The following DGKB variants were observed in gnomAD, a reference collection of about 807,000 sequenced individuals.
The protein encoded by DGKB is 90 kDa diacylglycerol kinase.
In DGKB, 67 loss-of-function variants were observed where a neutral mutation model predicts 114.3. The observed-to-expected ratio is 0.59, with a 90% CI of 0.48 to 0.72. The LOEUF (loss-of-function observed/expected upper bound fraction) is 0.72, where lower values mean the gene tolerates loss of function less well. Ranked by LOEUF, DGKB falls within the 30% of genes least tolerant of loss-of-function variation. The pLI, the probability that DGKB is intolerant of heterozygous loss-of-function variation, is 0.00. For missense variants in DGKB, 907 were observed against 975.2 expected (o/e 0.93, Z 0.93); for synonymous variants, 398 against 323.1 (o/e 1.23, Z -2.49).
At chr7:14,598,959 G>C (rs958550605) in intron 17 of DGKB, among the ~76,000 whole-genome samples, 3 of 152,036 alleles carry the variant, frequency 2.0e-5, no homozygotes, top group Admixed American at 6.6e-5. Context: ...CAGCATAATG[G>C]GCTGGCATAA....
chr7:14,790,508 T>C (rs1236047021), intron 2 of DGKB, among the ~76,000 whole-genome samples: 1 of 148,132 alleles, frequency 6.8e-6, no homozygotes, highest in East Asian at 2.0e-4. Flanking sequence ...TTTGTTGTTG[T>C]TGGCTGGTTT....
At position 14,641,212 on chromosome 7, in the gene DGKB, A is replaced by T. The variant is rs1040784450; in HGVS notation, c.1135-10944T>A. Among the ~76,000 whole-genome samples, 5 of 151,996 alleles carry T rather than the reference A, an allele frequency of 3.3e-5. No individual in the cohort carries two copies. In the East Asian group the frequency reaches 7.7e-4, roughly 23 times the overall value. Reference sequence around the variant, plus strand: ...AAATTAAATCTCATTGTTTTAATTTATATTTCTTCATTACTTTTTACAATA... The same window carrying T: ...AAATTAAATCTCATTGTTTTAATTTTTATTTCTTCATTACTTTTTACAATA... On this transcript the variant is annotated intron_variant, in intron 13 of 25. Transcript: ENST00000402815.
chr7:14,192,644 T>C (rs1327531621), intron 23 of DGKB, among the ~76,000 whole-genome samples: 1 of 152,150 alleles, frequency 6.6e-6, no homozygotes, highest in African/African-American at 2.4e-5. Context: ...ATGACAGTTT[T>C]TCCACAGACC....
intron 1 of DGKB, among the ~76,000 whole-genome samples, chr7:14,845,106 C>CAAAAAA (rs59367496): frequency 1.8e-4 from 16 of 89,266 alleles, no homozygotes; most frequent in Non-Finnish European, 2.7e-4. Flanking sequence ...GGCCCTGTGT[C>CAAAAAA]AAAAAAAAAA....
chr7:14,670,345 C>T (rs541144980), intron 13 of DGKB, among the ~76,000 whole-genome samples: 1 of 151,734 alleles, frequency 6.6e-6, no homozygotes, highest in South Asian at 2.1e-4. Context: ...CTCTGTCACT[C>T]AGTCTGGAGT....
Position 14,798,489 on chromosome 7 carries a change from G to A in DGKB, c.71-40758C>T, listed in dbSNP as rs528892008. 5.9e-5 allele frequency among the ~76,000 whole-genome samples: 9 copies of A among 152,256 alleles called. No homozygotes were observed. The South Asian group carries it at 1.2e-3, about 21-fold the overall frequency. ...TATATTTTGTAAACCTCCTTTACATGTTGATAAATTTGTATACTTTCCATC... is the reference window on the plus strand; with the variant it reads ...TATATTTTGTAAACCTCCTTTACATATTGATAAATTTGTATACTTTCCATC... On this transcript the variant is annotated intron_variant, in intron 2 of 25. Coordinates refer to ENST00000402815, the MANE Select transcript of DGKB (RefSeq NM_001350709.2).
At chr7:14,653,553 C>G (rs545875739) in intron 13 of DGKB, among the ~76,000 whole-genome samples, 58 of 151,894 alleles carry the variant, frequency 3.8e-4, no homozygotes, top group South Asian at 1.7e-3. Context: ...ATACCTAATG[C>G]TAGATGACGA....
chr7:14,572,024 T>A (rs1051983459), intron 20 of DGKB, among the ~76,000 whole-genome samples: 2 of 152,152 alleles, frequency 1.3e-5, no homozygotes, highest in Non-Finnish European at 2.9e-5. Flanking sequence ...AATAGGAAAG[T>A]GTGTCACACA....
intron 21 of DGKB, among the ~76,000 whole-genome samples, chr7:14,391,884 A>G (rs1461075085): frequency 2.0e-5 from 3 of 152,194 alleles, no homozygotes; most frequent in Non-Finnish European, 2.9e-5. Flanking sequence ...GACTTTACTA[A>G]TCATATGAAA....
chr7:14,574,282 G>A lies in DGKB; in HGVS notation c.1700C>T (p.Pro567Leu), dbSNP rs1465040896. The A allele has an allele frequency of 4.3e-6, 7 of 1,612,528 alleles. No individual in the cohort carries two copies. The highest frequency in any genetic ancestry group is 5.1e-6 in the Non-Finnish European group (6 of 1,179,026). ...MLDRWKFEVI[P>L]NDKDEKGDPV... ...GTCTCCTTTCTCATCTTTGTCATTAGGTATGACTTCAAACTTCCACCTGTC... is the reference window on the plus strand; with the variant it reads ...GTCTCCTTTCTCATCTTTGTCATTAAGTATGACTTCAAACTTCCACCTGTC... Residue 567 changes from proline (P) to leucine (L), a missense_variant, in exon 20 of 26, where the codon CCT (proline) becomes CTT (leucine). Pro to Leu is a moderately conservative substitution (Grantham distance 98, BLOSUM62 -3). Around this residue, in one of 3 missense-constraint regions of DGKB, gnomAD observed 814 missense variants for 856.6 expected, o/e 0.95. Transcript: ENST00000402815.
intron 12 of DGKB, among the ~76,000 whole-genome samples, chr7:14,678,713 G>T (rs1337187981): frequency 2.0e-5 from 3 of 151,982 alleles, no homozygotes; most frequent in Non-Finnish European, 4.4e-5. Context: ...TCTGGAGGTG[G>T]TATGCAGCCT....
At chr7:14,408,592 T>C (rs1226117668) in intron 21 of DGKB, among the ~76,000 whole-genome samples, 5 of 152,180 alleles carry the variant, frequency 3.3e-5, no homozygotes, top group African/African-American at 1.2e-4. Flanking sequence ...ACAATTGCCA[T>C]TTCTAAGTTA....
chr7:14,259,786 G>T (rs1796494355), intron 23 of DGKB, among the ~76,000 whole-genome samples: 1 of 152,090 alleles, frequency 6.6e-6, no homozygotes, highest in African/African-American at 2.4e-5. Flanking sequence ...ATAGATCACG[G>T]GTGGTGCCCA....
In DGKB at chr7:14,414,779, G is replaced by A. The variant is rs551087430; in HGVS notation, c.1835+63382C>T. Among the ~76,000 whole-genome samples, 20 of 152,160 alleles carry A rather than the reference G, an allele frequency of 1.3e-4. No homozygotes were observed. In the South Asian group the frequency reaches 3.1e-3, roughly 24 times the overall value. On this transcript the variant is annotated intron_variant, in intron 21 of 25. Coordinates refer to ENST00000402815, the MANE Select transcript of DGKB (RefSeq NM_001350709.2). ...GACTTCATTCTAAATAGGTTGACAC[G>A]GGTGTGAAATGACATTCTCCAGTCT...
intron 14 of DGKB, among the ~76,000 whole-genome samples, chr7:14,627,559 T>C (rs1223403384): frequency 1.3e-5 from 2 of 150,840 alleles, no homozygotes; most frequent in Non-Finnish European, 2.9e-5. Context: ...GCAGCACCAT[T>C]ATAAAATAAT....
intron 23 of DGKB, among the ~76,000 whole-genome samples, chr7:14,276,199 A>G (rs1584880532): frequency 2.0e-5 from 3 of 152,274 alleles, no homozygotes; most frequent in Admixed American, 6.5e-5. Flanking sequence ...AAAATTTCCA[A>G]TGATACCACA....
intron 21 of DGKB, among the ~76,000 whole-genome samples, chr7:14,357,538 G>C (rs911703302): frequency 2.1e-4 from 32 of 152,244 alleles, no homozygotes; most frequent in African/African-American, 7.7e-4. Context: ...AATGGGTCTT[G>C]ACTCTTTATC....
chr7:14,283,137 C>T (rs1449705549), intron 23 of DGKB, among the ~76,000 whole-genome samples: 5 of 151,700 alleles, frequency 3.3e-5, no homozygotes, highest in Non-Finnish European at 1.5e-5. Context: ...CCAAAATCTC[C>T]TTAAGCTGAT....
intron 1 of DGKB, among the ~76,000 whole-genome samples, chr7:14,933,155 GA>G (rs1785113682): frequency 6.6e-6 from 1 of 152,130 alleles, no homozygotes; most frequent in Non-Finnish European, 1.5e-5. Flanking sequence ...CTAACTACCA[GA>G]ATTTCCCTCC....
Sources: gnomAD v4.1 joint callset for allele counts (sites outside exome capture counted in the v4.1 genomes callset) on GRCh38, gnomAD v4.1.1 for gene constraint, gnomAD v4.1.1 regional missense constraint, MANE v1.5 for transcripts, NCBI Gene and HGNC (gene_info 2026-07-23, HGNC 2026-07-21) for gene names.